Variants in TBC1D16 observed in about 807,000 individuals in gnomAD.
TBC1D16 encodes the protein CTD-2529O21.1.
Under a neutral mutation model 74.7 loss-of-function variants are expected in TBC1D16, and 58 were observed. That is an observed-to-expected ratio of 0.78 (90% CI 0.63 to 0.97). The LOEUF (loss-of-function observed/expected upper bound fraction) is 0.97. TBC1D16 is among the 50% of genes least tolerant of loss of function. The probability of loss-of-function intolerance (pLI) is 0.00; values close to 1 mark genes in which losing one functional copy is unlikely to be tolerated. For missense variants in TBC1D16, 1,014 were observed against 1,079.5 expected (o/e 0.94, Z 0.85); for synonymous variants, 493 against 474.7 (o/e 1.04, Z -0.50).
rs934815367 is a variant in TBC1D16 at position 80,000,529 on chromosome 17, T to C, written c.779+9631A>G. Among the ~76,000 whole-genome samples the C allele has an allele frequency of 3.9e-5, 6 of 152,196 alleles. No homozygotes were observed. Among genetic ancestry groups the C allele is most frequent in the Non-Finnish European group, 7.3e-5 (5 of 68,028 alleles). ...AGCGTGGCTCTGCAGACACCTTGATTTTGGACCTCTGGCTCCAGGACTGTG... is the reference window on the plus strand; with the variant it reads ...AGCGTGGCTCTGCAGACACCTTGATCTTGGACCTCTGGCTCCAGGACTGTG... On this transcript the variant is annotated intron_variant, in intron 3 of 11. Transcript: ENST00000310924. The surrounding 1 kb of genome is among the most constrained non-coding windows in gnomAD (Gnocchi z 4.1).
chr17:80,021,897 CCAT>C (rs1326283915), intron 1 of TBC1D16, among the ~76,000 whole-genome samples: 15 of 150,124 alleles, frequency 1.0e-4, no homozygotes, highest in African/African-American at 3.8e-4. Flanking sequence ...CAAACACACA[CCAT>C]GACACACACC....
At chr17:80,024,576 G>GCACACACACCACACAC (rs2036460175) in intron 1 of TBC1D16, among the ~76,000 whole-genome samples, 1 of 21,894 alleles carries the variant, frequency 4.6e-5, no homozygotes, top group Admixed American at 2.9e-4. Context: ...CACACCATAG[G>GCACACACACCACACAC]CACACACACC....
rs559065687 is a variant in TBC1D16, at chr17:80,007,332, C to T, written c.779+2828G>A. On this transcript the variant is annotated intron_variant, in intron 3 of 11. Transcript: ENST00000310924. This position sits in a 1 kb window ranked among gnomAD's most constrained non-coding sequence, Gnocchi z 4.5. The stretch of plus-strand genomic sequence containing the variant: ...ACCCCAGGCTGGTGCTCAACCCTCA[C>T]GCCGACTCTGCCCTACAAGGGGGTT... 1.3e-5 allele frequency among the ~76,000 whole-genome samples: 2 copies of T among 152,354 alleles called. No homozygotes were observed. The highest frequency in any genetic ancestry group is 2.4e-5 in the African/African-American group (1 of 41,578).
rs34838808 is a variant in TBC1D16 at position 80,011,207 on chromosome 17, A to ATT, written c.182-452_182-451dup. On this transcript the variant is annotated intron_variant, in intron 2 of 11. Coordinates refer to ENST00000310924, the MANE Select transcript of TBC1D16 (RefSeq NM_019020.4). The stretch of plus-strand genomic sequence containing the variant: ...AGGTGCACACCACCACACCCAGCTA[A>ATT]TTTTTTTTTTTTTTTTTTTGGTAGA... 3.4e-3 allele frequency among the ~76,000 whole-genome samples: 454 copies of ATT among 131,622 alleles called. 4 individuals are homozygous for ATT. Among genetic ancestry groups the ATT allele is most frequent in the Middle Eastern group, 0.013 (3 of 238 alleles). The allele number at this position is 131,622 out of a possible 152,430, so 86.3% of individuals were successfully genotyped here.
intron 1 of TBC1D16, among the ~76,000 whole-genome samples, chr17:80,023,307 C>G (rs1267821035): frequency 6.7e-6 from 1 of 149,960 alleles, no homozygotes; most frequent in East Asian, 1.9e-4. Context: ...AGGCGGCCCT[C>G]CAGGGGTATT....
In TBC1D16 at chr17:80,025,564, C is replaced by G. The variant is rs145678927; in HGVS notation, c.-63+10231G>C. Among the ~76,000 whole-genome samples, 8 of 148,206 alleles carry G rather than the reference C, an allele frequency of 5.4e-5. 2 individuals carry two copies. The highest frequency in any genetic ancestry group is 2.1e-4 in the African/African-American group (8 of 38,768). On this transcript the variant is annotated intron_variant, in intron 1 of 11. Coordinates refer to ENST00000310924, the MANE Select transcript of TBC1D16 (RefSeq NM_019020.4). ...GTCCTGGCACCTGGGCTTCGGGGCC[C>G]GCCTGCTGGGAGCAGCCGCCTGCTG... is the stretch of plus-strand genomic sequence containing the variant.
At chr17:80,002,131 G>A (rs1398382074) in intron 3 of TBC1D16, among the ~76,000 whole-genome samples, 3 of 152,158 alleles carry the variant, frequency 2.0e-5, no homozygotes, top group Non-Finnish European at 2.9e-5. Context: ...AGGGCCTTCC[G>A]TGGGAGCTCC....
At chr17:80,012,496 G>C (rs2035932034) in intron 2 of TBC1D16, among the ~76,000 whole-genome samples, 1 of 152,082 alleles carries the variant, frequency 6.6e-6, no homozygotes. Context: ...TTAAACTTTT[G>C]TCTTGTTTAA....
In TBC1D16 at chr17:79,950,030, C is replaced by A. The variant is rs540232081; in HGVS notation, c.1258-165G>T. On this transcript the variant is annotated intron_variant, in intron 6 of 11. Transcript: ENST00000310924. This position sits in a 1 kb window ranked among gnomAD's most constrained non-coding sequence, Gnocchi z 4.6. ...AAAGCAGTGGCCTTCAATTCCCATA[C>A]AGGACACAAACCCGGCTCATTTCAA... Among the ~76,000 whole-genome samples, 11 of 152,296 alleles carry A rather than the reference C, an allele frequency of 7.2e-5. No individual in the cohort carries two copies. Among genetic ancestry groups the A allele is most frequent in the Non-Finnish European group, 1.5e-4 (10 of 68,024 alleles).
intron 1 of TBC1D16, among the ~76,000 whole-genome samples, chr17:80,029,563 C>T (rs993323507): frequency 6.6e-6 from 1 of 152,116 alleles, no homozygotes; most frequent in Admixed American, 6.5e-5. Context: ...CATCTACTAC[C>T]CAAAATTCAC....
intron 3 of TBC1D16, among the ~76,000 whole-genome samples, chr17:79,966,573 T>A (rs924687760): frequency 3.9e-5 from 6 of 152,158 alleles, no homozygotes; most frequent in Non-Finnish European, 7.4e-5. Flanking sequence ...CCAGGTTGCT[T>A]CCCTTCAATC....
Position 79,941,199 on chromosome 17 carries a change from C to T in TBC1D16, c.2056-92G>A. 1 of 1,290,946 alleles carries T rather than the reference C, an allele frequency of 7.7e-7. No individual in the cohort carries two copies. Among genetic ancestry groups the T allele is most frequent in the Non-Finnish European group, 1.1e-6 (1 of 945,234 alleles). 80.0% of individuals were successfully genotyped at this position (1,290,946 alleles called of 1,614,324 possible). A position where few individuals can be genotyped will look rare whatever the true frequency, so the allele number is the denominator to read the frequency against. On this transcript the variant is annotated intron_variant, in intron 11 of 11. Transcript: ENST00000310924. The surrounding 1 kb of genome is among the most constrained non-coding windows in gnomAD (Gnocchi z 4.3). ...GAGTGGCCAAAGACAGCAACAGCAGCAACAACGGCCTGCACCTCGGGGGCT... is the reference window on the plus strand; with the variant it reads ...GAGTGGCCAAAGACAGCAACAGCAGTAACAACGGCCTGCACCTCGGGGGCT...
intron 3 of TBC1D16, among the ~76,000 whole-genome samples, chr17:80,002,408 G>A (rs1454364882): frequency 6.6e-6 from 1 of 152,238 alleles, no homozygotes; most frequent in Non-Finnish European, 1.5e-5. Flanking sequence ...CCTGCGGGGT[G>A]GGCTGGCACC....
Position 79,941,929 on chromosome 17 carries a change from G to A in TBC1D16, c.2055+131C>T. On this transcript the variant is annotated intron_variant, in intron 11 of 11. Coordinates refer to ENST00000310924, the MANE Select transcript of TBC1D16 (RefSeq NM_019020.4). This position sits in a 1 kb window ranked among gnomAD's most constrained non-coding sequence, Gnocchi z 4.3. ...TGGGTGGGGGAGGGCACGTGCTGGGGGGCCATGGTGGGGATGGGGCTCTGG... is the reference window on the plus strand; with the variant it reads ...TGGGTGGGGGAGGGCACGTGCTGGGAGGCCATGGTGGGGATGGGGCTCTGG... 2 of 802,798 alleles carry A rather than the reference G, an allele frequency of 2.5e-6. No individual in the cohort carries two copies. Among genetic ancestry groups the A allele is most frequent in the East Asian group, 2.7e-5 (1 of 37,072 alleles). The allele number at this position is 802,798 out of a possible 1,614,324, so 49.7% of individuals were successfully genotyped here.
chr17:80,015,997 C>T (rs1292648436), intron 1 of TBC1D16, among the ~76,000 whole-genome samples: 3 of 118,362 alleles, frequency 2.5e-5, no homozygotes, highest in African/African-American at 6.7e-5. Context: ...GGTGACAGAG[C>T]GAGACTCCAT....
chr17:79,991,543 C>G (rs1027557073), intron 3 of TBC1D16, among the ~76,000 whole-genome samples: 1 of 152,178 alleles, frequency 6.6e-6, no homozygotes, highest in African/African-American at 2.4e-5. Flanking sequence ...AGTGTGCACC[C>G]CAGCCCGGCC....
At chr17:80,015,723 A>C (rs117327980) in intron 1 of TBC1D16, among the ~76,000 whole-genome samples, 1 of 152,146 alleles carries the variant, frequency 6.6e-6, no homozygotes, top group East Asian at 1.9e-4. Context: ...AAAGAAAGGA[A>C]ATTCTGACTG....
intron 3 of TBC1D16, among the ~76,000 whole-genome samples, chr17:80,003,704 T>C (rs2035576346): frequency 6.6e-6 from 1 of 151,432 alleles, no homozygotes; most frequent in South Asian, 2.1e-4. Flanking sequence ...CACCTTCCTC[T>C]CAACCTCTGC....
chr17:79,942,948 G>A (rs1346852977), intron 10 of TBC1D16, among the ~76,000 whole-genome samples: 5 of 152,366 alleles, frequency 3.3e-5, no homozygotes, highest in East Asian at 3.9e-4. Context: ...AGGTCCTGAC[G>A]GCTGCATCCT....
Sources: gnomAD v4.1 joint callset for allele counts (sites outside exome capture counted in the v4.1 genomes callset) on GRCh38, gnomAD v4.1.1 for gene constraint, Gnocchi (gnomAD v3.1) non-coding constraint, MANE v1.5 for transcripts, NCBI Gene and HGNC (gene_info 2026-07-23, HGNC 2026-07-21) for gene names.